COL22A1: variants seen among roughly 807,000 people sequenced by gnomAD.
COL22A1 encodes collagen alpha-1(XXII) chain.
Under a neutral mutation model 248.9 loss-of-function variants are expected in COL22A1, and 221 were observed. The observed-to-expected ratio is 0.89, with a 90% CI of 0.80 to 0.99. The LOEUF is 0.99. Among genes scored for constraint, COL22A1 ranks in the 50% least tolerant of loss-of-function variants. COL22A1 has a pLI of 0.00. For missense variants in COL22A1, 2,240 were observed against 2,179.0 expected (o/e 1.03, Z -0.56); for synonymous variants, 891 against 793.4 (o/e 1.12, Z -2.07).
At chr8:138,864,147 G>A (rs540034759) in intron 3 of COL22A1, among the ~76,000 whole-genome samples, 16 of 152,124 alleles carry the variant, frequency 1.1e-4, no homozygotes, top group South Asian at 4.2e-4. Context: ...CTTCTAGACC[G>A]CACTTCAGGA....
intron 17 of COL22A1, among the ~76,000 whole-genome samples, 176 bp downstream of exon 17, chr8:138,762,237 G>A (rs1052038432): frequency 1.4e-4 from 22 of 152,168 alleles, no homozygotes; most frequent in South Asian, 2.1e-4. Context: ...TCTGGGGTTC[G>A]CAGAGTCAAC....
rs1814690510 is a variant in COL22A1 at position 138,902,733 on chromosome 8, T to TACACACAC, written c.-73+10885_-73+10886insGTGTGTGT. 5.5e-5 allele frequency among the ~76,000 whole-genome samples: 5 copies of TACACACAC among 91,624 alleles called. No homozygotes were observed. The South Asian group carries it at 1.2e-3, about 21-fold the overall frequency. The allele number at this position is 91,624 out of a possible 152,430, so 60.1% of individuals were successfully genotyped here. Reference sequence around the variant, plus strand: ...AAAAAAAAAAATTTATAAATATATATATATATACACACACACACACACACA... The same window carrying TACACACAC: ...AAAAAAAAAAATTTATAAATATATATACACACACATATATACACACACACACACACACA... On this transcript the variant is annotated intron_variant, in intron 1 of 64. Coordinates refer to ENST00000303045, the MANE Select transcript of COL22A1 (RefSeq NM_152888.3).
At chr8:138,641,747 T>C (rs1821729525) in intron 47 of COL22A1, among the ~76,000 whole-genome samples, 1 of 152,158 alleles carries the variant, frequency 6.6e-6, no homozygotes, top group African/African-American at 2.4e-5. Flanking sequence ...CCAAACCCTC[T>C]TGGCAGTGCA....
At chr8:138,849,472 T>G (rs1821475616) in intron 3 of COL22A1, among the ~76,000 whole-genome samples, 1 of 152,208 alleles carries the variant, frequency 6.6e-6, no homozygotes, top group South Asian at 2.1e-4. Flanking sequence ...GTTAGTCAAC[T>G]GCCCAAGGCC....
At chr8:138,755,550 T>A in intron 19 of COL22A1, 39 bp from the exon 20 acceptor site, 1 of 1,611,716 alleles carries the variant, frequency 6.2e-7, no homozygotes, top group Non-Finnish European at 8.5e-7. Flanking sequence ...GTGCTGGCAT[T>A]TCCGCAACCA....
intron 12 of COL22A1, among the ~76,000 whole-genome samples, chr8:138,795,338 T>C (rs1448120876): frequency 2.6e-5 from 4 of 152,178 alleles, no homozygotes; most frequent in African/African-American, 9.7e-5. Context: ...TTCATTCTTG[T>C]GAGGTAGTCA....
chr8:138,625,677 G>T (rs890864636), intron 51 of COL22A1, among the ~76,000 whole-genome samples: 2 of 152,202 alleles, frequency 1.3e-5, no homozygotes, highest in African/African-American at 4.8e-5. Flanking sequence ...ATACAAAATT[G>T]TCCGTTGTAG....
At chr8:138,758,473 A>C (rs7824025) in intron 18 of COL22A1, among the ~76,000 whole-genome samples, 137,942 of 152,218 alleles carry the variant, frequency 0.91, 62,603 homozygotes, top group East Asian at 0.99. Flanking sequence ...AAAATGCATC[A>C]CCTGATATTT....
chr8:138,764,493 T>C (rs756903056), intron 16 of COL22A1, among the ~76,000 whole-genome samples: 1 of 152,238 alleles, frequency 6.6e-6, no homozygotes, highest in Non-Finnish European at 1.5e-5. Context: ...CCATACCCAC[T>C]GATGTGAACG....
chr8:138,663,647 T>G, intron 42 of COL22A1, 58 bp downstream of exon 42: 5 of 1,338,622 alleles, frequency 3.7e-6, no homozygotes, highest in Non-Finnish European at 5.4e-6. Context: ...AAAACTGCTT[T>G]GATTCGAGCA....
At chr8:138,818,477 T>A (rs1024937339) in intron 7 of COL22A1, among the ~76,000 whole-genome samples, 7 of 152,116 alleles carry the variant, frequency 4.6e-5, no homozygotes, top group African/African-American at 1.4e-4. Context: ...ACCCCATAGC[T>A]CCATCTTGTC....
At chr8:138,874,692 TCCCAG>T (rs1040198535) in intron 3 of COL22A1, among the ~76,000 whole-genome samples, 9 of 152,294 alleles carry the variant, frequency 5.9e-5, no homozygotes, top group Non-Finnish European at 1.2e-4. Context: ...TCTGCCCTGC[TCCCAG>T]CCCAGGAGGC....
chr8:138,876,441 A>G (rs1310049134), intron 3 of COL22A1, among the ~76,000 whole-genome samples: 1 of 152,148 alleles, frequency 6.6e-6, no homozygotes, highest in Non-Finnish European at 1.5e-5. Flanking sequence ...GACTATGAGC[A>G]CCCTGAGAAT....
chr8:138,907,070 G>C (rs981554150), intron 1 of COL22A1, among the ~76,000 whole-genome samples: 3 of 152,236 alleles, frequency 2.0e-5, no homozygotes, highest in African/African-American at 7.2e-5. Flanking sequence ...TGTGTACCAG[G>C]GAGGGGCCAG....
rs895092535 is a variant in COL22A1 at position 138,885,054 on chromosome 8, C to T, written c.-72-1810G>A. Among the ~76,000 whole-genome samples the T allele has an allele frequency of 7.9e-5, 12 of 152,092 alleles. No individual in the cohort carries two copies. The East Asian group carries it at 9.7e-4, about 12-fold the overall frequency. On this transcript the variant is annotated intron_variant, in intron 1 of 64. Coordinates refer to ENST00000303045, the MANE Select transcript of COL22A1 (RefSeq NM_152888.3). ...CACACGCACACACACACAGGGGAAG[C>T]GAGCTGAATGCACATTTGAAATCAT...
At chr8:138,862,727 A>G (rs1822575792) in intron 3 of COL22A1, among the ~76,000 whole-genome samples, 1 of 151,116 alleles carries the variant, frequency 6.6e-6, no homozygotes, top group Non-Finnish European at 1.5e-5. Flanking sequence ...TTCCTGAATC[A>G]ATGAACAAAA....
intron 41 of COL22A1, among the ~76,000 whole-genome samples, chr8:138,669,267 G>A (rs1472039166): frequency 1.3e-5 from 2 of 152,234 alleles, no homozygotes; most frequent in African/African-American, 4.8e-5. Context: ...GCAGAGTGAA[G>A]CTGAGCAGGA....
At chr8:138,690,764 G>C in intron 36 of COL22A1, 57 bp downstream of exon 36, 3 of 1,418,240 alleles carry the variant, frequency 2.1e-6, no homozygotes, top group Non-Finnish European at 2.9e-6. Context: ...TTTTGGGGAG[G>C]ATACATTAAC....
At chr8:138,766,592 G>A (rs1282025078) in intron 16 of COL22A1, among the ~76,000 whole-genome samples, 3 of 152,092 alleles carry the variant, frequency 2.0e-5, no homozygotes, top group Non-Finnish European at 4.4e-5. Flanking sequence ...ATAGACAGGA[G>A]AGAGATAAAG....
Sources: gnomAD v4.1 joint callset for allele counts (sites outside exome capture counted in the v4.1 genomes callset) on GRCh38, gnomAD v4.1.1 for gene constraint, MANE v1.5 for transcripts, NCBI Gene and HGNC (gene_info 2026-07-23, HGNC 2026-07-21) for gene names.